Variants in PRKG1 observed in about 807,000 individuals in gnomAD.
PRKG1 encodes cGMP-dependent protein kinase 1.
Under a neutral mutation model 88.1 loss-of-function variants are expected in PRKG1, and 35 were observed. The ratio of observed to expected loss-of-function variants is 0.40; its 90% CI spans 0.30 to 0.53. The LOEUF (loss-of-function observed/expected upper bound fraction) is 0.53, where lower values mean the gene tolerates loss of function less well. Ranked by LOEUF, PRKG1 falls within the 20% of genes least tolerant of loss-of-function variation. PRKG1 has a pLI of 0.59. For missense variants in PRKG1, 540 were observed against 839.8 expected (o/e 0.64, Z 4.41); for synonymous variants, 303 against 292.5 (o/e 1.04, Z -0.37).
At chr10:52,133,990 G>A in intron 8 of PRKG1, 85 bp downstream of exon 8, 2 of 1,000,732 alleles carry the variant, frequency 2.0e-6, no homozygotes, top group Non-Finnish European at 3.1e-6. Flanking sequence ...ATTTTATGGA[G>A]CTATTAATAC....
chr10:51,422,204 A>C (rs746361005), intron 2 of PRKG1, among the ~76,000 whole-genome samples: 2 of 152,166 alleles, frequency 1.3e-5, no homozygotes, highest in African/African-American at 2.4e-5. Flanking sequence ...GTTGTGCTTG[A>C]TGTTCAGGCA....
chr10:52,292,279 T>G (rs1213440141), intron 17 of PRKG1, among the ~76,000 whole-genome samples: 1 of 151,676 alleles, frequency 6.6e-6, no homozygotes, highest in East Asian at 1.9e-4. Context: ...AGATCCCATT[T>G]GTCAATTTTG....
chr10:51,465,436 A>T (rs1198402050), intron 2 of PRKG1, among the ~76,000 whole-genome samples: 1 of 152,158 alleles, frequency 6.6e-6, no homozygotes, highest in African/African-American at 2.4e-5. Flanking sequence ...TTGCTTTTAG[A>T]TCTATTAGTA....
chr10:51,882,927 G>C (rs1470128913), intron 4 of PRKG1, among the ~76,000 whole-genome samples: 1 of 152,170 alleles, frequency 6.6e-6, no homozygotes, highest in East Asian at 1.9e-4. Context: ...GTGTCAACTT[G>C]ATTGGGCTAA....
intron 2 of PRKG1, among the ~76,000 whole-genome samples, chr10:51,178,652 G>A (rs1837264528): frequency 6.6e-6 from 1 of 151,898 alleles, no homozygotes; most frequent in African/African-American, 2.4e-5. Flanking sequence ...AATAAAATTG[G>A]TATTAAATGT....
intron 3 of PRKG1, among the ~76,000 whole-genome samples, chr10:51,561,217 A>G (rs1283026787): frequency 6.6e-6 from 1 of 151,956 alleles, no homozygotes; most frequent in Non-Finnish European, 1.5e-5. Context: ...TGCTGGAGGG[A>G]GCAGAGGGAA....
At chr10:51,699,060 G>C (rs1349237539) in intron 3 of PRKG1, 1 of 1,614,096 alleles carries the variant, frequency 6.2e-7, no homozygotes, top group African/African-American at 1.3e-5. Context: ...TGTGGATTTT[G>C]AAGTAACATG....
At chr10:51,108,562 T>A (rs1013757029) in intron 1 of PRKG1, among the ~76,000 whole-genome samples, 1 of 152,138 alleles carries the variant, frequency 6.6e-6, no homozygotes, top group Non-Finnish European at 1.5e-5. Context: ...AGAAAAGGCA[T>A]TGGACTTAAG....
intron 10 of PRKG1, 64 bp from the exon 11 acceptor site, chr10:52,271,286 G>C: frequency 6.6e-7 from 1 of 1,524,076 alleles, no homozygotes; most frequent in Non-Finnish European, 9.0e-7. Flanking sequence ...TGTTAATTTG[G>C]GGATAATAAT....
At chr10:51,027,554 A>G (rs942640922) in intron 1 of PRKG1, among the ~76,000 whole-genome samples, 1 of 152,214 alleles carries the variant, frequency 6.6e-6, no homozygotes, top group African/African-American at 2.4e-5. Flanking sequence ...AAAGTGTAGA[A>G]AAATTTTTGA....
intron 3 of PRKG1, among the ~76,000 whole-genome samples, chr10:51,659,699 T>C (rs867635011): frequency 1.8e-4 from 27 of 152,074 alleles, no homozygotes; most frequent in African/African-American, 6.0e-4. Flanking sequence ...CTATTCCAAT[T>C]TGGAATGTCC....
At chr10:52,020,730 T>G (rs1169997562) in intron 5 of PRKG1, among the ~76,000 whole-genome samples, 1 of 152,084 alleles carries the variant, frequency 6.6e-6, no homozygotes, top group Non-Finnish European at 1.5e-5. Context: ...TTTAGGAAGT[T>G]GTACAATGCC....
At chr10:51,478,524 A>G (rs186267074) in intron 3 of PRKG1, among the ~76,000 whole-genome samples, 1 of 152,248 alleles carries the variant, frequency 6.6e-6, no homozygotes, top group African/African-American at 2.4e-5. Flanking sequence ...CTTAATTTAT[A>G]GACAAAATCC....
At chr10:51,169,859 C>T (rs930623203) in intron 2 of PRKG1, among the ~76,000 whole-genome samples, 5 of 151,972 alleles carry the variant, frequency 3.3e-5, no homozygotes, top group African/African-American at 1.2e-4. Context: ...TAGGAGTGGC[C>T]GTTACCCATT....
At chr10:51,290,951 A>ATATATAC (rs1374016115) in intron 2 of PRKG1, among the ~76,000 whole-genome samples, 1 of 152,180 alleles carries the variant, frequency 6.6e-6, no homozygotes, top group Non-Finnish European at 1.5e-5. Context: ...TTTTACTTCA[A>ATATATAC]TATATACTAT....
At chr10:52,078,388 C>A (rs1056026831) in intron 7 of PRKG1, among the ~76,000 whole-genome samples, 1 of 151,936 alleles carries the variant, frequency 6.6e-6, no homozygotes, top group African/African-American at 2.4e-5. Flanking sequence ...TGTTTCTAGA[C>A]CTACCCAAGA....
chr10:52,100,848 G>A (rs1847277969), intron 7 of PRKG1, among the ~76,000 whole-genome samples: 1 of 152,070 alleles, frequency 6.6e-6, no homozygotes, highest in Non-Finnish European at 1.5e-5. Flanking sequence ...AACAAGTAAA[G>A]GATTAAGTTC....
At chr10:51,590,918 T>C (rs917572546) in intron 3 of PRKG1, among the ~76,000 whole-genome samples, 5 of 152,214 alleles carry the variant, frequency 3.3e-5, no homozygotes, top group African/African-American at 1.2e-4. Context: ...CACTTACTTC[T>C]GTCAAACATT....
At chr10:51,131,231 A>G (rs1364243809) in intron 1 of PRKG1, among the ~76,000 whole-genome samples, 1 of 152,202 alleles carries the variant, frequency 6.6e-6, no homozygotes, top group African/African-American at 2.4e-5. Context: ...AAGTACAATT[A>G]GAAGTATGCA....
Sources: gnomAD v4.1 joint callset for allele counts (sites outside exome capture counted in the v4.1 genomes callset) on GRCh38, gnomAD v4.1.1 for gene constraint, MANE v1.5 for transcripts, NCBI Gene and HGNC (gene_info 2026-07-23, HGNC 2026-07-21) for gene names.